The following NKX2-2 variants were observed in gnomAD, a reference collection of about 807,000 sequenced individuals.
NKX2-2 encodes homeobox protein Nkx-2.2.
A neutral mutation model predicts 24.6 loss-of-function variants in NKX2-2; 8 were observed. That is an observed-to-expected ratio of 0.32 (90% CI 0.19 to 0.59). The LOEUF (loss-of-function observed/expected upper bound fraction) is 0.59, where lower values mean the gene tolerates loss of function less well. NKX2-2 is among the 20% of genes least tolerant of loss of function. The probability of loss-of-function intolerance (pLI) is 0.86; values close to 1 mark genes in which losing one functional copy is unlikely to be tolerated. For missense variants in NKX2-2, 381 were observed against 373.9 expected, an observed-to-expected ratio of 1.02 and a Z score of -0.16; for synonymous variants, 217 against 173.3, an observed-to-expected ratio of 1.25 and a Z score of -1.98.
chr20:21,521,140 A>T, the NKX2-2 span, among the ~76,000 whole-genome samples: 1 of 152,072 alleles, frequency 6.6e-6, no homozygotes, highest in Non-Finnish European at 1.5e-5. Context: ...CCTCGGGCAC[A>T]GAGAGGGGGT....
chr20:21,513,458 T>C lies in NKX2-2; in HGVS notation c.212A>G (p.Asn71Ser), dbSNP rs1046461572. The C allele has an allele frequency of 1.1e-5, 17 of 1,603,110 alleles. No homozygotes were observed. The highest frequency in any genetic ancestry group is 1.4e-5 in the Non-Finnish European group (17 of 1,175,000). ...LKNPFYDSSDNPYTRWLASTE... is the reference protein window; with the variant it reads ...LKNPFYDSSDSPYTRWLASTE... ...GCTGGCCAGCCAGCGCGTGTACGGG[T>C]TGTCGCTGCTGTCGTAGAAGGGGTT... The change falls in exon 1 of 2, where the codon AAC becomes AGC. Residue 71 changes from asparagine (N) to serine (S), a missense_variant. Around this residue, in one of 3 missense-constraint regions of NKX2-2, gnomAD observed 206 missense variants for 173.1 expected, o/e 1.19. Transcript: ENST00000377142. The surrounding 1 kb of genome is among the most constrained non-coding windows in gnomAD (Gnocchi z 4.6).
upstream of NKX2-2, among the ~76,000 whole-genome samples, chr20:21,517,432 T>C (rs1182896679): frequency 6.6e-6 from 1 of 152,212 alleles, no homozygotes; most frequent in African/African-American, 2.4e-5. Flanking sequence ...TCCCGGGACC[T>C]CGAGACTCAT....
the NKX2-2 span, among the ~76,000 whole-genome samples, chr20:21,521,996 G>T: frequency 6.6e-6 from 1 of 152,144 alleles, no homozygotes; most frequent in Non-Finnish European, 1.5e-5. Flanking sequence ...CTCCTCCTCC[G>T]CCTCCCAGCC....
At position 21,513,044 on chromosome 20, in the gene NKX2-2, G is replaced by T. The variant is rs1300400678; in HGVS notation, c.259+367C>A. Among the ~76,000 whole-genome samples the T allele has an allele frequency of 3.9e-5, 6 of 152,168 alleles. No individual in the cohort carries two copies. The highest frequency in any genetic ancestry group is 7.4e-5 in the Non-Finnish European group (5 of 68,026). On this transcript the variant is annotated intron_variant, in intron 1 of 1. Transcript: ENST00000377142. This position sits in a 1 kb window ranked among gnomAD's most constrained non-coding sequence, Gnocchi z 4.6. ...CTCCACCCGTACCCGGACGAGGCTC[G>T]CTGGCTACCTCCAGGGCGCCAGGCC...
At chr20:21,521,286 G>C in the NKX2-2 span, among the ~76,000 whole-genome samples, 1 of 152,160 alleles carries the variant, frequency 6.6e-6, no homozygotes, top group Admixed American at 6.5e-5. Flanking sequence ...AGGGCCTCCT[G>C]GTAGTGTGTG....
the NKX2-2 span, among the ~76,000 whole-genome samples, chr20:21,520,348 C>T: frequency 6.6e-6 from 1 of 152,124 alleles, no homozygotes; most frequent in South Asian, 2.1e-4. Flanking sequence ...CAACACTTTC[C>T]CAATTATCTG....
rs761265871 is a variant in NKX2-2 at position 21,512,189 on chromosome 20, C to A, written c.556G>T (p.Ala186Ser). ...FQNHRYKMKR[A>S]RAEKGMEVTP... Reference sequence around the variant, plus strand: ...ACCTCCATACCTTTCTCGGCCCGGGCGCGCTTCATCTTGTAGCGGTGGTTC... The same window carrying A: ...ACCTCCATACCTTTCTCGGCCCGGGAGCGCTTCATCTTGTAGCGGTGGTTC... Residue 186 changes from alanine to serine, a missense_variant, in exon 2 of 2, where the codon GCC becomes TCC. Around this residue, in one of 3 missense-constraint regions of NKX2-2, gnomAD observed 139 missense variants for 121.7 expected, o/e 1.14. Coordinates refer to ENST00000377142, the MANE Select transcript of NKX2-2 (RefSeq NM_002509.4). 1.2e-6 allele frequency: 2 copies of A among 1,613,936 alleles called. No individual in the cohort carries two copies. The highest frequency in any genetic ancestry group is 1.7e-6 in the Non-Finnish European group (2 of 1,179,942).
In NKX2-2 at chr20:21,511,826, A is replaced by T; in HGVS notation, c.*97T>A. 1 of 839,430 alleles carries T rather than the reference A, an allele frequency of 1.2e-6. No individual in the cohort carries two copies. The highest frequency in any genetic ancestry group is 1.7e-6 in the Non-Finnish European group (1 of 578,076). 52.0% of individuals were successfully genotyped at this position (839,430 alleles called of 1,614,324 possible). A position where few individuals can be genotyped will look rare whatever the true frequency, so the allele number is the denominator to read the frequency against. On this transcript the variant is annotated 3_prime_UTR_variant, in exon 2 of 2. Coordinates refer to ENST00000377142, the MANE Select transcript of NKX2-2 (RefSeq NM_002509.4). Reference sequence around the variant, plus strand: ...TCGACTCCATAATAATAATTATAATAATAATAATAACCACCATAAGGACCG... The same window carrying T: ...TCGACTCCATAATAATAATTATAATTATAATAATAACCACCATAAGGACCG...
At chr20:21,521,158 G>T in the NKX2-2 span, among the ~76,000 whole-genome samples, 1 of 151,976 alleles carries the variant, frequency 6.6e-6, no homozygotes, top group Non-Finnish European at 1.5e-5. Context: ...GGTTCCTAGG[G>T]CTCTGTCTCT....
At chr20:21,518,645 C>G (rs1008359476), upstream of NKX2-2, among the ~76,000 whole-genome samples, 1 of 152,234 alleles carries the variant, frequency 6.6e-6, no homozygotes, top group Non-Finnish European at 1.5e-5. Context: ...AGCTCAAACA[C>G]GAGCGCCTTT....
chr20:21,520,813 T>A, the NKX2-2 span, among the ~76,000 whole-genome samples: 1 of 152,364 alleles, frequency 6.6e-6, no homozygotes, highest in African/African-American at 2.4e-5. Flanking sequence ...GCATCGTCAG[T>A]GTTGCCTTCA....
Position 21,512,480 on chromosome 20 carries a change from C to G in NKX2-2, c.265G>C (p.Gly89Arg), listed in dbSNP as rs1212106777. ...TGAGGGGGCGCCCCGGCAGCCAGAC[C>G]GTGCACTGGGGGGAGGGGGAGAGAG... ...STEGLQYSLH[G>R]LAAGAPPQDS... Residue 89 changes from glycine to arginine, a missense_variant, in exon 2 of 2, where the codon GGT becomes CGT. Gly to Arg is a moderately radical substitution (Grantham distance 125). Coordinates refer to ENST00000377142, the MANE Select transcript of NKX2-2 (RefSeq NM_002509.4). 1 of 1,566,932 alleles carries G rather than the reference C, an allele frequency of 6.4e-7. No homozygotes were observed. Among genetic ancestry groups the G allele is most frequent in the Non-Finnish European group, 8.6e-7 (1 of 1,165,210 alleles).
chr20:21,516,390 C>CT (rs5840920), upstream of NKX2-2, among the ~76,000 whole-genome samples: 5,131 of 134,876 alleles, frequency 0.038, 139 homozygotes, highest in African/African-American at 0.072. Flanking sequence ...ACTTTTCGTG[C>CT]TTTTTTTTTT....
intron 1 of NKX2-2, 96 bp from the exon 2 acceptor site, chr20:21,512,581 G>A (rs1980481212): frequency 1.1e-6 from 1 of 947,904 alleles, no homozygotes; most frequent in South Asian, 1.7e-5. Flanking sequence ...GTGCGACCCT[G>A]GACCTCCGCG....
In NKX2-2 at chr20:21,512,379, C is replaced by A. The variant is rs767502103; in HGVS notation, c.366G>T (p.Gly122=). The A allele has an allele frequency of 1.9e-6, 3 of 1,603,204 alleles. No homozygotes were observed. The highest frequency in any genetic ancestry group is 1.7e-6 in the Non-Finnish European group (2 of 1,176,346). Residue 122 remains glycine (G), a synonymous_variant, in exon 2 of 2, where the codon GGG becomes GGT. Coordinates refer to ENST00000377142, the MANE Select transcript of NKX2-2 (RefSeq NM_002509.4). ...PDNDKETPGG[G]GDAGKKRKRR... is the part of the protein sequence containing the mutation. ...GCTTTCGCTTCTTGCCGGCGTCCCC[C>A]CCGCCGCCCGGGGTCTCCTTGTCAT...
At chr20:21,521,806 C>A in the NKX2-2 span, among the ~76,000 whole-genome samples, 2 of 152,226 alleles carry the variant, frequency 1.3e-5, no homozygotes, top group African/African-American at 4.8e-5. Flanking sequence ...TCCGCGCGCC[C>A]GCTCCGCCTT....
chr20:21,520,760 G>C, the NKX2-2 span, among the ~76,000 whole-genome samples: 2 of 152,172 alleles, frequency 1.3e-5, no homozygotes, highest in Non-Finnish European at 2.9e-5. Flanking sequence ...GGCTTTATTC[G>C]TTCGCGCTGC....
chr20:21,522,285 G>T, the NKX2-2 span, among the ~76,000 whole-genome samples: 1 of 152,178 alleles, frequency 6.6e-6, no homozygotes, highest in Non-Finnish European at 1.5e-5. Context: ...GCTCATAACC[G>T]GGGTCCGCCG....
At chr20:21,518,071 GC>G (rs1326120771), upstream of NKX2-2, among the ~76,000 whole-genome samples, 9 of 152,356 alleles carry the variant, frequency 5.9e-5, no homozygotes, top group Middle Eastern at 3.4e-3. Context: ...TTGGGTTTGA[GC>G]TTTGGGCTCA....
Sources: gnomAD v4.1 joint callset for allele counts (sites outside exome capture counted in the v4.1 genomes callset) on GRCh38, gnomAD v4.1.1 for gene constraint, gnomAD v4.1.1 regional missense constraint, Gnocchi (gnomAD v3.1) non-coding constraint, MANE v1.5 for transcripts, NCBI Gene and HGNC (gene_info 2026-07-23, HGNC 2026-07-21) for gene names.